Variants in THAP6 observed in about 807,000 individuals in gnomAD.
The protein encoded by THAP6 is THAP domain containing 6.
Under a neutral mutation model 20.0 loss-of-function variants are expected in THAP6, and 13 were observed. That is an observed-to-expected ratio of 0.65 (90% CI 0.42 to 1.03). The LOEUF is 1.03. THAP6 is among the 50% of genes least tolerant of loss of function. THAP6 has a pLI of 0.00. For missense variants in THAP6, 262 were observed against 261.6 expected (o/e 1.00, Z -0.01); for synonymous variants, 93 against 92.2 (o/e 1.01, Z -0.05).
chr4:75,517,038 A>AGATAGAGTCTCGCTCTG, intron 3 of THAP6, 59 bp downstream of exon 3: 1 of 799,130 alleles, frequency 1.3e-6, no homozygotes, highest in Non-Finnish European at 1.8e-6. Flanking sequence ...TTTTTTTTTG[A>AGATAGAGTCTCGCTCTG]GATAGAGTCT....
downstream of THAP6, among the ~76,000 whole-genome samples, chr4:75,531,706 A>G (rs1336940707): frequency 3.3e-5 from 5 of 152,168 alleles, no homozygotes; most frequent in African/African-American, 1.2e-4. Context: ...TAATCATGGC[A>G]GAAGGCAAGG....
chr4:75,537,070 C>G (rs896369699), intron 2 of THAP6, among the ~76,000 whole-genome samples: 1 of 151,870 alleles, frequency 6.6e-6, no homozygotes, highest in Admixed American at 6.6e-5. Context: ...CAAAAACTTG[C>G]AGAACTGCAA....
chr4:75,528,220 A>T lies in THAP6; in HGVS notation c.*1006A>T. 1 of 985,440 alleles carries T rather than the reference A, an allele frequency of 1.0e-6. No homozygotes were observed. The highest frequency in any genetic ancestry group is 1.7e-5 in the African/African-American group (1 of 57,366). The allele number at this position is 985,440 out of a possible 1,614,324, so 61.0% of individuals were successfully genotyped here. On this transcript the variant is annotated 3_prime_UTR_variant, in exon 5 of 5. Transcript: ENST00000311638. ...AGGCTTTTATTTAGAGAAACGGGTAATTAAAACAGCAGCTTTAGAATAGCT... is the reference window on the plus strand; with the variant it reads ...AGGCTTTTATTTAGAGAAACGGGTATTTAAAACAGCAGCTTTAGAATAGCT...
chr4:75,529,315 GA>G lies in THAP6; in HGVS notation c.*2103del. On this transcript the variant is annotated 3_prime_UTR_variant, in exon 5 of 5. Transcript: ENST00000311638. ...GGCTGCTTAGAATACACCAAACCTG[GA>G]AGACCTTTCCAAGAGTAAAATCCCA... 1.0e-6 allele frequency: 1 copy of G among 985,292 alleles called. No individual in the cohort carries two copies. Among genetic ancestry groups the G allele is most frequent in the South Asian group, 4.7e-5 (1 of 21,268 alleles). The allele number at this position is 985,292 out of a possible 1,614,324, so 61.0% of individuals were successfully genotyped here.
chr4:75,544,677 T>C (rs1439603439), intron 3 of THAP6: 1 of 152,132 alleles, frequency 6.6e-6, no homozygotes, highest in Non-Finnish European at 1.5e-5. Flanking sequence ...GACTCTGTTT[T>C]TTTTTTTAGA....
At chr4:75,514,268 C>G (rs1407585618), upstream of THAP6, 7 of 1,612,630 alleles carry the variant, frequency 4.3e-6, no homozygotes, top group Non-Finnish European at 5.1e-6. Context: ...GCGCCATCTT[C>G]CCGGGCCGTC....
chr4:75,540,100 AATCT>A, intron 2 of THAP6: 2 of 1,007,852 alleles, frequency 2.0e-6, no homozygotes, highest in Non-Finnish European at 2.8e-6. Flanking sequence ...CAAGCCATTT[AATCT>A]ATCTTAGATA....
intron 2 of THAP6, among the ~76,000 whole-genome samples, chr4:75,541,870 C>T (rs146952629): frequency 5.3e-5 from 8 of 151,748 alleles, no homozygotes; most frequent in Non-Finnish European, 8.8e-5. Context: ...GCAGGAGAAT[C>T]GCTTGAGCGC....
downstream of THAP6, among the ~76,000 whole-genome samples, chr4:75,533,321 C>G (rs1321230159): frequency 6.6e-6 from 1 of 152,188 alleles, no homozygotes; most frequent in East Asian, 1.9e-4. Flanking sequence ...TTCCTCATCT[C>G]CATCTGAGAC....
chr4:75,516,656 CAA>C, intron 2 of THAP6, 114 bp from the exon 3 acceptor site: 1 of 804,368 alleles, frequency 1.2e-6, no homozygotes, highest in Non-Finnish European at 1.9e-6. Context: ...TTATAATTCT[CAA>C]GACTAATAAA....
intron 3 of THAP6, among the ~76,000 whole-genome samples, chr4:75,518,756 G>A (rs1725824076): frequency 6.6e-6 from 1 of 152,184 alleles, no homozygotes; most frequent in South Asian, 2.1e-4. Flanking sequence ...GGATTATCCA[G>A]TGAGTTTGTT....
chr4:75,523,353 C>T (rs182551233), intron 4 of THAP6, among the ~76,000 whole-genome samples: 1 of 152,124 alleles, frequency 6.6e-6, no homozygotes, highest in East Asian at 1.9e-4. Context: ...GTTATCAATC[C>T]CTTGTCAGAT....
At chr4:75,532,733 C>T (rs933483568), downstream of THAP6, among the ~76,000 whole-genome samples, 1 of 152,346 alleles carries the variant, frequency 6.6e-6, no homozygotes, top group African/African-American at 2.4e-5. Flanking sequence ...GGCTCAACAT[C>T]ATATGGAAGC....
intron 2 of THAP6, among the ~76,000 whole-genome samples, chr4:75,540,151 A>C (rs988625186): frequency 1.3e-5 from 2 of 152,234 alleles, no homozygotes; most frequent in Non-Finnish European, 2.9e-5. Flanking sequence ...AACTTTATAA[A>C]ACATCTTGAC....
chr4:75,515,508 A>G lies in THAP6; in HGVS notation c.56A>G (p.Lys19Arg). 6.2e-7 allele frequency: 1 copy of G among 1,614,002 alleles called. No homozygotes were observed. The highest frequency in any genetic ancestry group is 1.1e-5 in the South Asian group (1 of 91,080). The stretch of plus-strand genomic sequence containing the variant: ...GCTTCTCGCTGCTTGCCAAATTCGA[A>G]GTTAAAAGGACTGACATTTCACGTG... ...GCASRCLPNS[K>R]LKGLTFHVFP... The change falls in exon 2 of 5, where the codon AAG becomes AGG. Residue 19 changes from lysine to arginine, a missense_variant. By Grantham distance (26) the Lys-to-Arg change is conservative (BLOSUM62 2). Coordinates refer to ENST00000311638, the MANE Select transcript of THAP6 (RefSeq NM_144721.6).
chr4:75,532,588 A>T (rs542402482), downstream of THAP6, among the ~76,000 whole-genome samples: 11 of 152,338 alleles, frequency 7.2e-5, no homozygotes, highest in South Asian at 2.1e-3. Flanking sequence ...TCCCTTCTGC[A>T]CTGCCCTAGC....
chr4:75,538,917 A>T (rs1726937700), intron 2 of THAP6, among the ~76,000 whole-genome samples: 1 of 152,208 alleles, frequency 6.6e-6, no homozygotes, highest in Admixed American at 6.5e-5. Context: ...TAAGAACCAC[A>T]TGAGGGTCCA....
chr4:75,528,904 T>A lies in THAP6; in HGVS notation c.*1690T>A. The stretch of plus-strand genomic sequence containing the variant: ...TCTCTGCTAAAAATACAAAAAAAAA[T>A]TAGCCGGGCATGGTGGCACGTGCCT... On this transcript the variant is annotated 3_prime_UTR_variant, in exon 5 of 5. Transcript: ENST00000311638. The A allele has an allele frequency of 1.8e-6, 1 of 558,496 alleles. No individual in the cohort carries two copies. The highest frequency in any genetic ancestry group is 2.3e-6 in the Non-Finnish European group (1 of 440,362). The allele number at this position is 558,496 out of a possible 1,614,324, so 34.6% of individuals were successfully genotyped here.
intron 2 of THAP6, chr4:75,540,071 CCT>C: frequency 8.1e-7 from 1 of 1,241,084 alleles, no homozygotes; most frequent in Non-Finnish European, 1.1e-6. Context: ...TCCTCTTCAT[CCT>C]CTCACTCCAA....
Sources: gnomAD v4.1 joint callset for allele counts (sites outside exome capture counted in the v4.1 genomes callset) on GRCh38, gnomAD v4.1.1 for gene constraint, MANE v1.5 for transcripts, NCBI Gene and HGNC (gene_info 2026-07-23, HGNC 2026-07-21) for gene names.